Variants in PACRG observed in about 807,000 individuals in gnomAD.
PACRG encodes the protein parkin coregulated, also known as parkin coregulated gene protein.
PACRG carries 29 observed loss-of-function variants against 29.7 expected under a neutral mutation model. The observed-to-expected ratio is 0.98, with a 90% confidence interval of 0.73 to 1.33. The LOEUF (loss-of-function observed/expected upper bound fraction) is 1.33. Ranked by LOEUF, PACRG falls within the 40% of genes most tolerant of loss-of-function variation. PACRG has a pLI of 0.00. For missense variants in PACRG, 279 were observed against 316.2 expected (o/e 0.88, Z 0.89); for synonymous variants, 116 against 118.7 (o/e 0.98, Z 0.15).
intron 4 of PACRG, among the ~76,000 whole-genome samples, chr6:163,270,808 C>T (rs1468432862): frequency 6.6e-6 from 1 of 151,994 alleles, no homozygotes; most frequent in Non-Finnish European, 1.5e-5. Context: ...AAATAAAACA[C>T]CAATGATATG....
At chr6:162,965,503 A>T (rs573257451) in intron 2 of PACRG, among the ~76,000 whole-genome samples, 1 of 152,266 alleles carries the variant, frequency 6.6e-6, no homozygotes, top group East Asian at 1.9e-4. Flanking sequence ...ATGGTGAGGG[A>T]TCTGTTTTGG....
At chr6:162,951,512 A>G (rs931477556) in intron 2 of PACRG, among the ~76,000 whole-genome samples, 1 of 152,190 alleles carries the variant, frequency 6.6e-6, no homozygotes, top group Non-Finnish European at 1.5e-5. Context: ...ATCACCAAAC[A>G]TAGGAACTGG....
chr6:163,153,309 G>A (rs114788433), intron 4 of PACRG, among the ~76,000 whole-genome samples: 1,526 of 152,284 alleles, frequency 0.01, 26 homozygotes, highest in African/African-American at 0.035. Context: ...CCCTGTGAGG[G>A]AAGGGGTGGG....
chr6:163,103,284 C>T (rs1404294002), intron 4 of PACRG, among the ~76,000 whole-genome samples: 1 of 152,182 alleles, frequency 6.6e-6, no homozygotes, highest in African/African-American at 2.4e-5. Flanking sequence ...GTCTCCATTT[C>T]CTGGCTGGTT....
chr6:163,138,632 G>A (rs1229591725), intron 4 of PACRG, among the ~76,000 whole-genome samples: 1 of 152,174 alleles, frequency 6.6e-6, no homozygotes, highest in Non-Finnish European at 1.5e-5. Flanking sequence ...CTGACAGGAG[G>A]CGGAGCTCAG....
intron 2 of PACRG, among the ~76,000 whole-genome samples, chr6:162,856,927 G>A (rs901607138): frequency 1.3e-5 from 2 of 152,154 alleles, no homozygotes; most frequent in Non-Finnish European, 2.9e-5. Flanking sequence ...CCCTGAAGAG[G>A]TTTAGGTGAT....
rs961516983 is a variant in PACRG at position 162,941,020 on chromosome 6, G to C, written c.292-121130G>C. Among the ~76,000 whole-genome samples, 123 of 149,126 alleles carry C rather than the reference G, an allele frequency of 8.2e-4. 1 individual carries two copies. Among genetic ancestry groups the C allele is most frequent in the Non-Finnish European group, 1.1e-3 (71 of 66,858 alleles). On this transcript the variant is annotated intron_variant, in intron 2 of 4. Transcript: ENST00000366888. ...CATGTGTGTTTGTGTGTGTGCGCGT[G>C]TGTGTTTGTATATGTGTGTGTTTGT...
intron 2 of PACRG, among the ~76,000 whole-genome samples, chr6:162,934,085 G>A (rs992076632): frequency 6.6e-6 from 1 of 152,060 alleles, no homozygotes; most frequent in African/African-American, 2.4e-5. Context: ...CTAACATGGT[G>A]AAACCCAGTC....
chr6:162,922,279 G>A (rs1432109196), intron 2 of PACRG, among the ~76,000 whole-genome samples: 3 of 147,152 alleles, frequency 2.0e-5, no homozygotes, highest in African/African-American at 7.6e-5. Flanking sequence ...CCTGTTTCTG[G>A]TGGTCCCTGG....
chr6:163,243,970 A>C (rs531598182), intron 4 of PACRG, among the ~76,000 whole-genome samples: 7 of 152,234 alleles, frequency 4.6e-5, no homozygotes, highest in Non-Finnish European at 1.0e-4. Flanking sequence ...CTGAGCAAGC[A>C]TTTACTAACA....
intron 1 of PACRG, among the ~76,000 whole-genome samples, chr6:162,734,778 T>A (rs1192214363): frequency 6.6e-6 from 1 of 152,208 alleles, no homozygotes. Flanking sequence ...AACAGTTCTC[T>A]CACATATTGT....
At chr6:162,994,382 T>C (rs1279163163) in intron 2 of PACRG, among the ~76,000 whole-genome samples, 1 of 149,432 alleles carries the variant, frequency 6.7e-6, no homozygotes, top group African/African-American at 2.5e-5. Flanking sequence ...GGTACACCAA[T>C]CAGACGTAGA....
chr6:163,255,102 C>T (rs1203511141), intron 4 of PACRG, among the ~76,000 whole-genome samples: 1 of 152,160 alleles, frequency 6.6e-6, no homozygotes, highest in African/African-American at 2.4e-5. Flanking sequence ...ACAAGAAAGA[C>T]CCAATGTCCA....
At chr6:162,958,402 T>C (rs1800231779) in intron 2 of PACRG, among the ~76,000 whole-genome samples, 1 of 152,184 alleles carries the variant, frequency 6.6e-6, no homozygotes, top group African/African-American at 2.4e-5. Flanking sequence ...ATGGCTCATA[T>C]ACAATTCTTG....
intron 4 of PACRG, among the ~76,000 whole-genome samples, chr6:163,234,302 A>C (rs1585356362): frequency 6.6e-6 from 1 of 151,996 alleles, no homozygotes. Context: ...TTCTCAGGGG[A>C]GTGACTTCTC....
intron 1 of PACRG, among the ~76,000 whole-genome samples, chr6:162,737,431 T>G (rs1026804954): frequency 1.3e-5 from 2 of 152,232 alleles, no homozygotes; most frequent in African/African-American, 4.8e-5. Flanking sequence ...ATGGGGAAGA[T>G]CTCAGAAAAC....
At chr6:162,871,123 G>T (rs1321342937) in intron 2 of PACRG, among the ~76,000 whole-genome samples, 1 of 152,158 alleles carries the variant, frequency 6.6e-6, no homozygotes, top group Non-Finnish European at 1.5e-5. Context: ...TACTCTAGAT[G>T]GGTTAGTCAG....
chr6:163,221,155 A>T (rs1270672702), intron 4 of PACRG, among the ~76,000 whole-genome samples: 1 of 152,232 alleles, frequency 6.6e-6, no homozygotes, highest in Admixed American at 6.5e-5. Flanking sequence ...GCATTTCATT[A>T]TCTTGGAAGT....
At position 162,771,623 on chromosome 6, in the gene PACRG, C is replaced by T. The variant is rs1783228119; in HGVS notation, c.157-42524C>T. 4.0e-5 allele frequency among the ~76,000 whole-genome samples: 6 copies of T among 151,604 alleles called. No homozygotes were observed. The South Asian group carries it at 1.2e-3, about 32-fold the overall frequency. On this transcript the variant is annotated intron_variant, in intron 1 of 4. Transcript: ENST00000366888. ...GTTTCTCAAACTATGTTAAAATTAACCATCAATATCAAAGTATACTGTCAA... is the reference window on the plus strand; with the variant it reads ...GTTTCTCAAACTATGTTAAAATTAATCATCAATATCAAAGTATACTGTCAA...
Sources: allele counts gnomAD v4.1 joint callset (sites outside exome capture counted in the v4.1 genomes callset), GRCh38; gene constraint gnomAD v4.1.1; transcripts MANE v1.5; gene names NCBI Gene and HGNC (gene_info 2026-07-23, HGNC 2026-07-21).